Variants in FBXO15 observed in about 807,000 individuals in gnomAD.
The protein encoded by FBXO15 is F-box only protein 15.
Under a neutral mutation model 49.5 loss-of-function variants are expected in FBXO15, and 30 were observed. That is an observed-to-expected ratio of 0.61 (90% CI 0.45 to 0.82). The LOEUF (loss-of-function observed/expected upper bound fraction) is 0.82. Ranked by LOEUF, FBXO15 falls within the 40% of genes least tolerant of loss-of-function variation. The probability of loss-of-function intolerance (pLI) is 0.00; values close to 1 mark genes in which losing one functional copy is unlikely to be tolerated. For synonymous variants in FBXO15, 250 were observed against 232.7 expected, an observed-to-expected ratio of 1.07 and a Z score of -0.68; for missense variants, 591 against 631.5, an observed-to-expected ratio of 0.94 and a Z score of 0.69.
intron 8 of FBXO15, among the ~76,000 whole-genome samples, chr18:74,107,579 T>C (rs775108819): frequency 6.6e-6 from 1 of 152,042 alleles, no homozygotes; most frequent in Non-Finnish European, 1.5e-5. Context: ...AAAACCTCCA[T>C]AGCAACCAGT....
chr18:74,131,222 C>T (rs1219499250), intron 3 of FBXO15, among the ~76,000 whole-genome samples: 6 of 152,178 alleles, frequency 3.9e-5, no homozygotes, highest in African/African-American at 1.4e-4. Context: ...TTTGTCAACA[C>T]TTACTATGTG....
intron 8 of FBXO15, among the ~76,000 whole-genome samples, chr18:74,095,777 A>T (rs147932039): frequency 4.7e-4 from 72 of 152,340 alleles, no homozygotes; most frequent in African/African-American, 1.5e-3. Context: ...ACAAACTTTG[A>T]AGCTGTAAAA....
intron 3 of FBXO15, 50 bp downstream of exon 3, chr18:74,135,712 T>G (rs779605130): frequency 2.1e-6 from 3 of 1,429,794 alleles, no homozygotes; most frequent in East Asian, 4.6e-5. Context: ...TTTTCCTGAC[T>G]TCCATCAAAC....
intron 8 of FBXO15, among the ~76,000 whole-genome samples, chr18:74,090,290 T>C (rs1446296931): frequency 6.6e-6 from 1 of 152,196 alleles, no homozygotes; most frequent in African/African-American, 2.4e-5. Context: ...ATTGTATTTA[T>C]TTGTATCTTC....
chr18:74,107,994 C>A (rs1422623730), intron 8 of FBXO15, among the ~76,000 whole-genome samples: 1 of 152,150 alleles, frequency 6.6e-6, no homozygotes, highest in Non-Finnish European at 1.5e-5. Flanking sequence ...GTGAAGTTCA[C>A]AATCTGGGGT....
At chr18:74,105,448 G>GT (rs201996238) in intron 8 of FBXO15, among the ~76,000 whole-genome samples, 1,623 of 150,996 alleles carry the variant, frequency 0.011, 13 homozygotes, top group Non-Finnish European at 0.014. Flanking sequence ...TTTCCCAAAG[G>GT]TTTTTTTTTG....
At position 74,126,065 on chromosome 18, in the gene FBXO15, C is replaced by T. The variant is rs1457645760; in HGVS notation, c.822G>A (p.Leu274=). 4 of 1,613,984 alleles carry T rather than the reference C, an allele frequency of 2.5e-6. No homozygotes were observed. The African/African-American group carries it at 4.0e-5, about 16-fold the overall frequency. Residue 274 remains leucine, a synonymous_variant, in exon 6 of 10, where the codon CTG becomes CTA. Transcript: ENST00000419743. ...RWHSLIAKYN[L]SHLTISTMIG... ...TCATGGTAGATATGGTCAAATGACTCAGATTGTACTTTGCAATTAAAGAAT... is the reference window on the plus strand; with the variant it reads ...TCATGGTAGATATGGTCAAATGACTTAGATTGTACTTTGCAATTAAAGAAT...
intron 8 of FBXO15, among the ~76,000 whole-genome samples, chr18:74,116,961 G>A (rs917448043): frequency 6.6e-6 from 1 of 152,080 alleles, no homozygotes; most frequent in Admixed American, 6.6e-5. Flanking sequence ...TTCCACAGAC[G>A]TGACGACAGA....
At chr18:74,080,785 CT>C (rs962665568) in intron 9 of FBXO15, among the ~76,000 whole-genome samples, 1 of 152,142 alleles carries the variant, frequency 6.6e-6, no homozygotes, top group Non-Finnish European at 1.5e-5. Context: ...CTACATTTCC[CT>C]TTTTTCTCCC....
chr18:74,130,904 G>A (rs1003129491), intron 3 of FBXO15: 2 of 370,668 alleles, frequency 5.4e-6, no homozygotes, highest in African/African-American at 4.1e-5. Context: ...CAGGTCTCAA[G>A]TGAGTAATCT....
At chr18:74,143,790 T>A (rs766659573) in intron 1 of FBXO15, among the ~76,000 whole-genome samples, 1 of 152,202 alleles carries the variant, frequency 6.6e-6, no homozygotes, top group Non-Finnish European at 1.5e-5. Flanking sequence ...TACTACAATG[T>A]CACCATCTCA....
chr18:74,088,550 C>T (rs1427525114), intron 8 of FBXO15, among the ~76,000 whole-genome samples: 1 of 152,080 alleles, frequency 6.6e-6, no homozygotes, highest in Admixed American at 6.5e-5. Context: ...GTATTCTGTT[C>T]CATTGGTCTA....
intron 9 of FBXO15, among the ~76,000 whole-genome samples, chr18:74,078,957 G>T (rs117068666): frequency 6.6e-6 from 1 of 152,274 alleles, no homozygotes; most frequent in East Asian, 1.9e-4. Context: ...AAGTGGCCAG[G>T]ATGCCTTTCT....
chr18:74,095,820 G>C (rs1913247106), intron 8 of FBXO15, among the ~76,000 whole-genome samples: 1 of 152,118 alleles, frequency 6.6e-6, no homozygotes, highest in Non-Finnish European at 1.5e-5. Context: ...GATCCAACAT[G>C]GTAGCACAGA....
At position 74,075,059 on chromosome 18, in the gene FBXO15, G is replaced by C. The variant is rs778130648; in HGVS notation, c.1264-1329C>G. Reference sequence around the variant, plus strand: ...TCTGGACCTGAGCACCAAGCACAGCGGGAGGGCTGCACGCAGAGCTGCTGG... The same window carrying C: ...TCTGGACCTGAGCACCAAGCACAGCCGGAGGGCTGCACGCAGAGCTGCTGG... On this transcript the variant is annotated intron_variant, in intron 9 of 9. Coordinates refer to ENST00000419743, the MANE Select transcript of FBXO15 (RefSeq NM_001142958.2). This position sits in a 1 kb window ranked among gnomAD's most constrained non-coding sequence, Gnocchi z 4.1. Among the ~76,000 whole-genome samples the C allele has an allele frequency of 6.6e-6, 1 of 152,194 alleles. No homozygotes were observed. The highest frequency in any genetic ancestry group is 2.4e-5 in the African/African-American group (1 of 41,446).
At chr18:74,146,701 G>C (rs1029802966) in intron 1 of FBXO15, among the ~76,000 whole-genome samples, 1 of 152,142 alleles carries the variant, frequency 6.6e-6, no homozygotes, top group Non-Finnish European at 1.5e-5. Flanking sequence ...CTAAGCAACA[G>C]GGCTGGGCTT....
intron 8 of FBXO15, among the ~76,000 whole-genome samples, chr18:74,106,071 C>G (rs1913747344): frequency 6.6e-6 from 1 of 151,686 alleles, no homozygotes. Flanking sequence ...ATCTTCTTGC[C>G]CAGTAGAGAT....
intron 3 of FBXO15, among the ~76,000 whole-genome samples, chr18:74,131,105 A>G (rs1291929585): frequency 6.6e-6 from 1 of 152,234 alleles, no homozygotes; most frequent in Non-Finnish European, 1.5e-5. Flanking sequence ...ATGGAATTGA[A>G]CACTCTTTTT....
At chr18:74,117,783 A>G (rs1291832632) in intron 8 of FBXO15, among the ~76,000 whole-genome samples, 2 of 152,210 alleles carry the variant, frequency 1.3e-5, no homozygotes, top group African/African-American at 4.8e-5. Context: ...CGTATTCATC[A>G]TTATTAAGGG....
Sources: allele counts gnomAD v4.1 joint callset (sites outside exome capture counted in the v4.1 genomes callset), GRCh38; gene constraint gnomAD v4.1.1; non-coding constraint Gnocchi (gnomAD v3.1); transcripts MANE v1.5; gene names NCBI Gene and HGNC (gene_info 2026-07-23, HGNC 2026-07-21).